ASB14: variants seen among roughly 807,000 people sequenced by gnomAD.
ASB14 encodes the protein ankyrin repeat and SOCS box protein 14.
Under a neutral mutation model 55.6 loss-of-function variants are expected in ASB14, and 63 were observed. The observed-to-expected ratio is 1.13, with a 90% CI of 0.92 to 1.40. The LOEUF (loss-of-function observed/expected upper bound fraction) is 1.40, where lower values mean the gene tolerates loss of function less well. Among genes scored for constraint, ASB14 ranks in the 40% most tolerant of loss-of-function variants. ASB14 has a pLI of 0.00. For synonymous variants in ASB14, 256 were observed against 259.9 expected, an observed-to-expected ratio of 0.98 and a Z score of 0.15; for missense variants, 724 against 710.4, an observed-to-expected ratio of 1.02 and a Z score of -0.22.
At chr3:57,284,910 C>T (rs1212549600) in intron 5 of ASB14, among the ~76,000 whole-genome samples, 1 of 150,234 alleles carries the variant, frequency 6.7e-6, no homozygotes, top group East Asian at 2.0e-4. Flanking sequence ...TTTGGCAGTA[C>T]TCTGTTGGTC....
At chr3:57,269,678 A>G (rs751317796) in intron 10 of ASB14, 60 bp from the exon 11 acceptor site, 21 of 1,613,944 alleles carry the variant, frequency 1.3e-5, no homozygotes, top group Non-Finnish European at 1.7e-5. Context: ...AGAGAGAATC[A>G]GAAGCATAAG....
chr3:57,281,273 G>A (rs74914085), intron 6 of ASB14, among the ~76,000 whole-genome samples: 1 of 152,002 alleles, frequency 6.6e-6, no homozygotes, highest in African/African-American at 2.4e-5. Flanking sequence ...TGTTATGTGA[G>A]TGATGTGAAT....
At chr3:57,287,148 AGCC>A (rs2061086881) in intron 5 of ASB14, among the ~76,000 whole-genome samples, 1 of 152,230 alleles carries the variant, frequency 6.6e-6, no homozygotes, top group Non-Finnish European at 1.5e-5. Context: ...TTCCTCAGAT[AGCC>A]TTTGGCTATT....
At position 57,289,142 on chromosome 3, in the gene ASB14, A is replaced by G. The variant is rs528035; in HGVS notation, c.123-19T>C. ...ATGCAAACTGCAAAGAAAAAAATAC[A>G]TATGTAATTCCAAAACTGAGGAGAA... On this transcript the variant is annotated intron_variant, in intron 2 of 10. Coordinates refer to ENST00000487349, the MANE Select transcript of ASB14 (RefSeq NM_001142733.3). The G allele has an allele frequency of 0.41, 605,162 of 1,482,034 alleles. 133,965 individuals carry two copies. The highest frequency in any genetic ancestry group is 0.91 in the East Asian group (37,069 of 40,560). The allele number at this position is 1,482,034 out of a possible 1,614,324, so 91.8% of individuals were successfully genotyped here.
rs1334189343 is a variant in ASB14 at position 57,269,595 on chromosome 3, A to C, written c.*46T>G. On this transcript the variant is annotated 3_prime_UTR_variant, in exon 11 of 11. Transcript: ENST00000487349. ...TGCTTCCAGTAGACCAAACCAAGCCAGTAGTGAGGGGCAGTTTGTTGTCCT... is the reference window on the plus strand; with the variant it reads ...TGCTTCCAGTAGACCAAACCAAGCCCGTAGTGAGGGGCAGTTTGTTGTCCT... The C allele has an allele frequency of 6.2e-7, 1 of 1,614,170 alleles. No individual in the cohort carries two copies. The highest frequency in any genetic ancestry group is 1.1e-5 in the South Asian group (1 of 91,076).
chr3:57,287,163 G>T (rs1022949538), intron 5 of ASB14, among the ~76,000 whole-genome samples: 1 of 152,150 alleles, frequency 6.6e-6, no homozygotes, highest in African/African-American at 2.4e-5. Flanking sequence ...TTGGCTATTT[G>T]CTCATAATTA....
At chr3:57,272,323 G>GCTAGT (rs1322510680) in intron 10 of ASB14, 1 of 152,104 alleles carries the variant, frequency 6.6e-6, no homozygotes, top group Admixed American at 6.5e-5. Flanking sequence ...AGTCCCTAAA[G>GCTAGT]CTAGTCTAGT....
chr3:57,287,556 A>C (rs868068297), intron 5 of ASB14, among the ~76,000 whole-genome samples: 1 of 152,196 alleles, frequency 6.6e-6, no homozygotes, highest in Non-Finnish European at 1.5e-5. Context: ...AGATCTGACT[A>C]TCTGCTTCTT....
intron 2 of ASB14, among the ~76,000 whole-genome samples, chr3:57,290,419 G>A (rs2061119747): frequency 6.6e-6 from 1 of 152,154 alleles, no homozygotes; most frequent in Non-Finnish European, 1.5e-5. Flanking sequence ...TAAAGATCCT[G>A]TGTTACACTG....
intron 2 of ASB14, among the ~76,000 whole-genome samples, chr3:57,289,814 A>G (rs138359202): frequency 6.7e-6 from 1 of 149,388 alleles, no homozygotes; most frequent in Non-Finnish European, 1.5e-5. Context: ...CGGCCGGCTA[A>G]TTTTTTGTAT....
chr3:57,282,039 A>G (rs2061044437), intron 6 of ASB14, among the ~76,000 whole-genome samples: 1 of 152,206 alleles, frequency 6.6e-6, no homozygotes, highest in Non-Finnish European at 1.5e-5. Context: ...TTAATCAATG[A>G]TCTATACAAA....
Position 57,269,415 on chromosome 3 carries a change from A to C in ASB14, c.*226T>G, listed in dbSNP as rs952200032. On this transcript the variant is annotated 3_prime_UTR_variant, in exon 11 of 11. Coordinates refer to ENST00000487349, the MANE Select transcript of ASB14 (RefSeq NM_001142733.3). ...TTGGGTGTAGCTTTTCTTTTTATCA[A>C]GTTGTCAGAAGTATGCATACATATT... The C allele has an allele frequency of 3.0e-5, 26 of 878,502 alleles. No individual in the cohort carries two copies. Among genetic ancestry groups the C allele is most frequent in the Non-Finnish European group, 4.2e-5 (26 of 618,404 alleles). The allele number at this position is 878,502 out of a possible 1,614,324, so 54.4% of individuals were successfully genotyped here. A position where few individuals can be genotyped will look rare whatever the true frequency, so the allele number is the denominator to read the frequency against.
intron 9 of ASB14, 44 bp downstream of exon 9, chr3:57,277,723 A>G (rs767403108): frequency 6.5e-6 from 10 of 1,528,578 alleles, no homozygotes; most frequent in Middle Eastern, 1.7e-4. Context: ...TAAGAATACA[A>G]TTAGTACTTT....
At chr3:57,275,514 A>G (rs1419446068) in intron 10 of ASB14, among the ~76,000 whole-genome samples, 1 of 152,076 alleles carries the variant, frequency 6.6e-6, no homozygotes, top group African/African-American at 2.4e-5. Flanking sequence ...ATGAGTTTTA[A>G]ATTGCACACC....
intron 5 of ASB14, among the ~76,000 whole-genome samples, chr3:57,283,846 A>T (rs2061057818): frequency 6.8e-6 from 1 of 146,776 alleles, no homozygotes; most frequent in African/African-American, 2.5e-5. Flanking sequence ...TAAAAAAAAA[A>T]CAAAAACAAA....
intron 2 of ASB14, among the ~76,000 whole-genome samples, chr3:57,291,515 T>C (rs572075844): frequency 7.9e-5 from 12 of 152,218 alleles, no homozygotes; most frequent in Admixed American, 7.9e-4. Flanking sequence ...GATCAAAGAC[T>C]GGACCCCATC....
chr3:57,289,687 CTTT>C (rs34419265), intron 2 of ASB14, among the ~76,000 whole-genome samples: 78 of 100,322 alleles, frequency 7.8e-4, no homozygotes, highest in Non-Finnish European at 1.2e-3. Context: ...ACCTTCCATT[CTTT>C]TTTTTTTTTT....
At chr3:57,279,044 C>CA (rs797006707) in intron 7 of ASB14, 124 bp from the exon 8 acceptor site, 12,795 of 710,278 alleles carry the variant, frequency 0.018, 32 homozygotes, top group African/African-American at 0.028. Context: ...AACCCACAAC[C>CA]AAAAAAAAAA....
intron 3 of ASB14, among the ~76,000 whole-genome samples, chr3:57,288,708 C>CTTTTTTTTTTTTTTT (rs747854434): frequency 9.8e-6 from 1 of 102,392 alleles, no homozygotes; most frequent in Non-Finnish European, 1.8e-5. Context: ...CATATCTTTC[C>CTTTTTTTTTTTTTTT]TTTTTTTTTT....
Sources: allele counts gnomAD v4.1 joint callset (sites outside exome capture counted in the v4.1 genomes callset), GRCh38; gene constraint gnomAD v4.1.1; transcripts MANE v1.5; gene names NCBI Gene and HGNC (gene_info 2026-07-23, HGNC 2026-07-21).